The following SBF2 variants were observed in gnomAD, a reference collection of about 807,000 sequenced individuals.
SBF2 encodes myotubularin-related protein 13.
A neutral mutation model predicts 225.2 loss-of-function variants in SBF2; 112 were observed. The ratio of observed to expected loss-of-function variants is 0.50; its 90% confidence interval spans 0.43 to 0.58. The LOEUF is 0.58. Ranked by LOEUF, SBF2 falls within the 20% of genes least tolerant of loss-of-function variation. The pLI is 0.00. For synonymous variants in SBF2, 763 were observed against 773.3 expected, an observed-to-expected ratio of 0.99 and a Z score of 0.22; for missense variants, 1,996 against 2,206.2, an observed-to-expected ratio of 0.90 and a Z score of 1.91.
At chr11:10,186,720 T>G (rs1237433936) in intron 2 of SBF2, among the ~76,000 whole-genome samples, 1 of 152,168 alleles carries the variant, frequency 6.6e-6, no homozygotes, top group Non-Finnish European at 1.5e-5. Flanking sequence ...ACCCACTAAA[T>G]GCATAATTGC....
intron 11 of SBF2, 142 bp from the exon 12 acceptor site, chr11:9,992,685 A>G: frequency 1.2e-6 from 1 of 804,964 alleles, no homozygotes; most frequent in Non-Finnish European, 1.9e-6. Flanking sequence ...TATTTCTCTC[A>G]AAGAGAGTTA....
Position 9,891,121 on chromosome 11 carries a change from A to G in SBF2, c.1929+4822T>C, listed in dbSNP as rs542513398. ...ACTGCACTCCAGCCTGGGCGAAAAG[A>G]GCAAAACTCCATCTCAAAAAAAAAA... is the stretch of plus-strand genomic sequence containing the variant. On this transcript the variant is annotated intron_variant, in intron 17 of 39. Coordinates refer to ENST00000256190, the MANE Select transcript of SBF2 (RefSeq NM_030962.4). Among the ~76,000 whole-genome samples the G allele has an allele frequency of 1.8e-4, 28 of 151,358 alleles. No individual in the cohort carries two copies. In the East Asian group the frequency reaches 5.4e-3, roughly 29 times the overall value.
chr11:10,226,909 C>T (rs1374563292), intron 1 of SBF2, among the ~76,000 whole-genome samples: 1 of 152,094 alleles, frequency 6.6e-6, no homozygotes, highest in East Asian at 1.9e-4. Flanking sequence ...CGCTGACTTC[C>T]ACAATGGTTG....
At position 10,001,009 on chromosome 11, in the gene SBF2, G is replaced by A; in HGVS notation, c.766C>T (p.Pro256Ser). 6.4e-7 allele frequency: 1 copy of A among 1,557,894 alleles called. No homozygotes were observed. The highest frequency in any genetic ancestry group is 8.9e-7 in the Non-Finnish European group (1 of 1,129,114). Reference protein sequence around the residue: ...FPLKYSYPYIPILPAQLLEVL... With the variant: ...FPLKYSYPYISILPAQLLEVL... ...TCCAGTAGCTGAGCCGGGAGAATAG[G>A]GATATAAGGATAACTGGAAATAATA... Residue 256 changes from proline (P) to serine (S), a missense_variant, in exon 8 of 40, where the codon CCT becomes TCT. Physicochemically the swap from Pro to Ser is moderately conservative, Grantham distance 74. Coordinates refer to ENST00000256190, the MANE Select transcript of SBF2 (RefSeq NM_030962.4).
chr11:10,112,271 C>T (rs1438190988), intron 2 of SBF2, among the ~76,000 whole-genome samples: 1 of 152,162 alleles, frequency 6.6e-6, no homozygotes, highest in African/African-American at 2.4e-5. Flanking sequence ...TTGTAACTCC[C>T]ACAATTTCCA....
chr11:10,177,670 C>G (rs1179162230), intron 2 of SBF2, among the ~76,000 whole-genome samples: 5 of 151,842 alleles, frequency 3.3e-5, no homozygotes, highest in African/African-American at 1.2e-4. Context: ...GAACTACAAA[C>G]CACTGCTCAA....
At chr11:10,081,757 C>A (rs1180562426) in intron 2 of SBF2, among the ~76,000 whole-genome samples, 95 of 103,444 alleles carry the variant, frequency 9.2e-4, no homozygotes, top group Non-Finnish European at 1.6e-3. Context: ...AAGACTCCAC[C>A]TCAAAAAAAA....
intron 3 of SBF2, among the ~76,000 whole-genome samples, chr11:10,041,346 T>G (rs1949648776): frequency 6.6e-6 from 1 of 152,190 alleles, no homozygotes; most frequent in South Asian, 2.1e-4. Context: ...AGTCACAGAC[T>G]GAAAGTTTTC....
intron 2 of SBF2, among the ~76,000 whole-genome samples, chr11:10,085,312 T>C (rs1018994803): frequency 1.3e-5 from 2 of 152,218 alleles, no homozygotes; most frequent in Non-Finnish European, 2.9e-5. Flanking sequence ...CCTTTCAATC[T>C]ACCTTATATG....
chr11:10,225,634 G>T (rs966717346), intron 1 of SBF2, among the ~76,000 whole-genome samples: 9 of 152,038 alleles, frequency 5.9e-5, no homozygotes, highest in Non-Finnish European at 1.3e-4. Flanking sequence ...AAAGTGCTGG[G>T]TTTTTTGCCT....
In SBF2 at chr11:10,237,578, G is replaced by C. The variant is rs143986684; in HGVS notation, c.56-43591C>G. On this transcript the variant is annotated intron_variant, in intron 1 of 39. Coordinates refer to ENST00000256190, the MANE Select transcript of SBF2 (RefSeq NM_030962.4). ...TGTCTTTTACTTCTTTGAAAATATT[G>C]AGCAGGATTATTTTCTTCAGGTTTA... is the stretch of plus-strand genomic sequence containing the variant. Among the ~76,000 whole-genome samples the C allele has an allele frequency of 1.6e-3, 247 of 152,164 alleles. 1 individual carries two copies. Among genetic ancestry groups the C allele is most frequent in the African/African-American group, 5.6e-3 (232 of 41,504 alleles).
chr11:9,907,160 T>C (rs149047418), intron 16 of SBF2, among the ~76,000 whole-genome samples: 1 of 152,292 alleles, frequency 6.6e-6, no homozygotes, highest in East Asian at 1.9e-4. Flanking sequence ...CACAAATTCC[T>C]CTCTGTATCA....
Position 10,144,099 on chromosome 11 carries a change from C to G in SBF2, c.141+49803G>C, listed in dbSNP as rs183233402. ...TCCTGATCTTGATTTAACCTTCAAG[C>G]CTTTTCTATTGCATTTACGCTTTGC... is the stretch of plus-strand genomic sequence containing the variant. On this transcript the variant is annotated intron_variant, in intron 2 of 39. Coordinates refer to ENST00000256190, the MANE Select transcript of SBF2 (RefSeq NM_030962.4). Among the ~76,000 whole-genome samples, 209 of 152,294 alleles carry G rather than the reference C, an allele frequency of 1.4e-3. 1 individual carries two copies. The highest frequency in any genetic ancestry group is 4.7e-3 in the African/African-American group (194 of 41,566).
chr11:9,921,645 A>G (rs1465593208), intron 16 of SBF2, among the ~76,000 whole-genome samples: 1 of 152,212 alleles, frequency 6.6e-6, no homozygotes, highest in African/African-American at 2.4e-5. Flanking sequence ...CTTAAAGTAA[A>G]TTGTCGCCAC....
At chr11:10,230,253 A>T (rs4550215) in intron 1 of SBF2, among the ~76,000 whole-genome samples, 60,059 of 151,802 alleles carry the variant, frequency 0.4, 12,926 homozygotes, top group Non-Finnish European at 0.48. Context: ...ATGGGTCTTG[A>T]CTCTTTATCC....
chr11:10,106,199 T>C (rs1309517637), intron 2 of SBF2, among the ~76,000 whole-genome samples: 1 of 152,224 alleles, frequency 6.6e-6, no homozygotes, highest in East Asian at 1.9e-4. Context: ...CTTCCCTCTG[T>C]AGTTTTTAAT....
At chr11:10,232,456 C>T (rs1373410512) in intron 1 of SBF2, among the ~76,000 whole-genome samples, 2 of 152,148 alleles carry the variant, frequency 1.3e-5, no homozygotes, top group South Asian at 2.1e-4. Flanking sequence ...CTCCACCCCT[C>T]AGTACACATG....
intron 1 of SBF2, among the ~76,000 whole-genome samples, chr11:10,196,946 C>T (rs1483520427): frequency 1.3e-5 from 2 of 148,156 alleles, no homozygotes; most frequent in Admixed American, 1.4e-4. Context: ...TTACAAAGGG[C>T]CTTAAATGTT....
intron 16 of SBF2, chr11:9,959,341 C>A (rs1866406281): frequency 9.0e-6 from 7 of 777,886 alleles, no homozygotes; most frequent in Non-Finnish European, 1.7e-5. Context: ...GACCCTGGGG[C>A]TCAGGGAATC....
Sources: allele counts gnomAD v4.1 joint callset (sites outside exome capture counted in the v4.1 genomes callset), GRCh38; gene constraint gnomAD v4.1.1; transcripts MANE v1.5; gene names NCBI Gene and HGNC (gene_info 2026-07-23, HGNC 2026-07-21).